RIMS2: variants seen among roughly 807,000 people sequenced by gnomAD.
RIMS2 encodes the protein regulating synaptic membrane exocytosis 2.
RIMS2 carries 59 observed loss-of-function variants against 174.4 expected under a neutral mutation model. The ratio of observed to expected loss-of-function variants is 0.34; its 90% CI spans 0.27 to 0.42. RIMS2 has a LOEUF of 0.42. Ranked by LOEUF, RIMS2 falls within the 10% of genes least tolerant of loss-of-function variation. RIMS2 has a pLI of 1.00. For synonymous variants in RIMS2, 606 were observed against 572.5 expected, an observed-to-expected ratio of 1.06 and a Z score of -0.84; for missense variants, 1,620 against 1,666.3, an observed-to-expected ratio of 0.97 and a Z score of 0.48.
At chr8:103,961,532 T>C (rs998281281) in intron 15 of RIMS2, among the ~76,000 whole-genome samples, 5 of 152,150 alleles carry the variant, frequency 3.3e-5, no homozygotes, top group Non-Finnish European at 7.4e-5. Flanking sequence ...TTTGAAACTT[T>C]AAAATTGTTT....
At chr8:103,936,224 G>A (rs1034535638) in intron 12 of RIMS2, among the ~76,000 whole-genome samples, 17 of 151,920 alleles carry the variant, frequency 1.1e-4, no homozygotes, top group Non-Finnish European at 1.5e-4. Context: ...ATTTTCAATA[G>A]GGTGATATTT....
Position 103,729,959 on chromosome 8 carries a change from C to T in RIMS2, c.387+32663C>T, listed in dbSNP as rs529843751. 6.4e-4 allele frequency among the ~76,000 whole-genome samples: 97 copies of T among 152,216 alleles called. 1 individual carries two copies. The highest frequency in any genetic ancestry group is 1.2e-4 in the Non-Finnish European group (8 of 68,016). ...AATTTTTAAAGACTTGTTTTGTGGC[C>T]TAGCATATGGTCTATGCTTGAGAAT... On this transcript the variant is annotated intron_variant, in intron 2 of 23. Transcript: ENST00000504942.
In RIMS2 at chr8:103,989,479, A is replaced by T. The variant is rs977632964; in HGVS notation, c.3044+58A>T. ...ATTAATATAATCACTGCTTTCAGGA[A>T]GGGGTTACCATAAAATATTTTCACA... is the stretch of plus-strand genomic sequence containing the variant. On this transcript the variant is annotated intron_variant, in intron 17 of 23. Coordinates refer to ENST00000504942, the Ensembl canonical transcript of RIMS2. 10 of 876,094 alleles carry T rather than the reference A, an allele frequency of 1.1e-5. No homozygotes were observed. In the African/African-American group the frequency reaches 1.7e-4, roughly 15 times the overall value. The allele number at this position is 876,094 out of a possible 1,614,324, so 54.3% of individuals were successfully genotyped here.
intron 3 of RIMS2, among the ~76,000 whole-genome samples, chr8:103,813,418 TA>T (rs2098700958): frequency 1.3e-5 from 2 of 151,732 alleles, no homozygotes; most frequent in Non-Finnish European, 2.9e-5. Flanking sequence ...CTTTCTTTAT[TA>T]TACTTTAAGT....
At chr8:104,248,872 C>G in intron 21 of RIMS2, 59 bp downstream of exon 27, 2 of 846,428 alleles carry the variant, frequency 2.4e-6, no homozygotes, top group Non-Finnish European at 4.0e-6. Context: ...AAATGAAATT[C>G]TCTAAATTTC....
At chr8:103,672,813 G>A (rs1028837004) in intron 1 of RIMS2, among the ~76,000 whole-genome samples, 10 of 151,974 alleles carry the variant, frequency 6.6e-5, no homozygotes, top group African/African-American at 2.2e-4. Flanking sequence ...ATACAATCAT[G>A]CCTTCACAAC....
chr8:104,100,956 T>C (rs2097870941), intron 19 of RIMS2, among the ~76,000 whole-genome samples: 1 of 128,068 alleles, frequency 7.8e-6, no homozygotes, highest in African/African-American at 3.0e-5. Flanking sequence ...ATAGTATATA[T>C]GATATATTAT....
chr8:104,052,795 A>G (rs546249134), intron 19 of RIMS2, among the ~76,000 whole-genome samples: 1 of 152,246 alleles, frequency 6.6e-6, no homozygotes, highest in East Asian at 1.9e-4. Context: ...TGAAGGATAG[A>G]GCCTTCAGCA....
chr8:103,952,411 G>A (rs190282523), intron 14 of RIMS2, among the ~76,000 whole-genome samples: 1 of 152,282 alleles, frequency 6.6e-6, no homozygotes, highest in East Asian at 1.9e-4. Flanking sequence ...TCCAGAGGAA[G>A]GAACAGGCAT....
intron 16 of RIMS2, among the ~76,000 whole-genome samples, chr8:103,986,149 G>T (rs1034889200): frequency 6.6e-5 from 10 of 152,258 alleles, no homozygotes; most frequent in African/African-American, 2.4e-4. Flanking sequence ...GCTTGATTTA[G>T]CCATGCTGCA....
chr8:103,794,735 A>G (rs1467166160), intron 3 of RIMS2, among the ~76,000 whole-genome samples: 3 of 152,214 alleles, frequency 2.0e-5, no homozygotes, highest in South Asian at 4.1e-4. Flanking sequence ...ACAAATTTAC[A>G]AGAAAAAAAT....
At chr8:103,816,015 C>T (rs2098715973) in intron 3 of RIMS2, among the ~76,000 whole-genome samples, 1 of 152,126 alleles carries the variant, frequency 6.6e-6, no homozygotes, top group African/African-American at 2.4e-5. Context: ...ATGCCAAATA[C>T]CATGTTCTTT....
At chr8:103,945,481 A>G (rs1396398864) in intron 14 of RIMS2, among the ~76,000 whole-genome samples, 1 of 152,112 alleles carries the variant, frequency 6.6e-6, no homozygotes, top group Non-Finnish European at 1.5e-5. Context: ...CAAACACATT[A>G]AAAGAAAAGA....
intron 1 of RIMS2, among the ~76,000 whole-genome samples, chr8:103,586,539 G>A (rs902884987): frequency 1.3e-5 from 2 of 152,074 alleles, no homozygotes; most frequent in Non-Finnish European, 2.9e-5. Flanking sequence ...TGAAAAATTT[G>A]TTGAAATAAA....
At chr8:104,015,789 G>A (rs187801250) in intron 19 of RIMS2, among the ~76,000 whole-genome samples, 1 of 151,972 alleles carries the variant, frequency 6.6e-6, no homozygotes, top group Non-Finnish European at 1.5e-5. Context: ...GATATCAATT[G>A]CAGTCTACGT....
chr8:103,601,909 A>G (rs1236450571), intron 1 of RIMS2, among the ~76,000 whole-genome samples: 1 of 152,124 alleles, frequency 6.6e-6, no homozygotes, highest in African/African-American at 2.4e-5. Flanking sequence ...TAGCATAAAC[A>G]AACAAACTTG....
chr8:104,233,690 G>C (rs1262637855), intron 19 of RIMS2, among the ~76,000 whole-genome samples: 8 of 152,146 alleles, frequency 5.3e-5, no homozygotes, highest in Admixed American at 3.9e-4. Context: ...TTATCTTATG[G>C]GTTCAACAGA....
intron 17 of RIMS2, chr8:103,998,320 A>G: frequency 2.0e-6 from 2 of 1,022,024 alleles, no homozygotes; most frequent in Non-Finnish European, 3.0e-6. Context: ...GATATAGTTC[A>G]CTTTTATTTC....
chr8:103,553,095 G>T (rs964209501), intron 1 of RIMS2, among the ~76,000 whole-genome samples: 3 of 151,896 alleles, frequency 2.0e-5, no homozygotes, highest in Admixed American at 6.6e-5. Context: ...CCTATTACTG[G>T]GTATATACCC....
Sources: gnomAD v4.1 joint callset for allele counts (sites outside exome capture counted in the v4.1 genomes callset) on GRCh38, gnomAD v4.1.1 for gene constraint, MANE v1.5 for transcripts, NCBI Gene and HGNC (gene_info 2026-07-23, HGNC 2026-07-21) for gene names.